Variants in GALNTL6 observed in about 807,000 individuals in gnomAD.
The protein encoded by GALNTL6 is polypeptide N-acetylgalactosaminyltransferase-like 6.
Under a neutral mutation model 73.7 loss-of-function variants are expected in GALNTL6, and 46 were observed. The observed-to-expected ratio is 0.62, with a 90% CI of 0.49 to 0.80. The LOEUF (loss-of-function observed/expected upper bound fraction) is 0.80. Ranked by LOEUF, GALNTL6 falls within the 30% of genes least tolerant of loss-of-function variation. GALNTL6 has a pLI of 0.00. For missense variants in GALNTL6, 604 were observed against 755.0 expected (o/e 0.80, Z 2.34); for synonymous variants, 259 against 263.7 (o/e 0.98, Z 0.17).
chr4:173,015,269 G>C (rs1424689459), intron 11 of GALNTL6, among the ~76,000 whole-genome samples: 2 of 152,192 alleles, frequency 1.3e-5, no homozygotes, highest in Non-Finnish European at 2.9e-5. Context: ...TGGTAGGGTA[G>C]GGTGCTGCTA....
chr4:172,909,228 T>C (rs984889017), intron 8 of GALNTL6, among the ~76,000 whole-genome samples: 5 of 151,470 alleles, frequency 3.3e-5, no homozygotes, highest in South Asian at 2.1e-4. Context: ...CAAATCATTT[T>C]AAGCATTAAA....
At chr4:172,979,735 C>T (rs1221405437) in intron 10 of GALNTL6, among the ~76,000 whole-genome samples, 1 of 152,208 alleles carries the variant, frequency 6.6e-6, no homozygotes, top group African/African-American at 2.4e-5. Context: ...CACTGGAAAG[C>T]TTGGCTGTTA....
chr4:172,656,801 A>T (rs1185994133), intron 5 of GALNTL6, among the ~76,000 whole-genome samples: 1 of 152,256 alleles, frequency 6.6e-6, no homozygotes, highest in Non-Finnish European at 1.5e-5. Context: ...TCGTCTTTTG[A>T]AAACTAGAGC....
chr4:172,304,889 T>C (rs1398375575), intron 3 of GALNTL6, among the ~76,000 whole-genome samples: 1 of 152,240 alleles, frequency 6.6e-6, no homozygotes, highest in African/African-American at 2.4e-5. Context: ...CAATGTGAGC[T>C]GAAATCTCAC....
In GALNTL6 at chr4:172,985,288, A is replaced by C. The variant is rs550324025; in HGVS notation, c.1372-23890A>C. On this transcript the variant is annotated intron_variant, in intron 10 of 12. Transcript: ENST00000506823. ...AGTTCTAGCAATAAATTCCTTTTAA[A>C]TTGTTTGGTGAGGCCTCTTTGTGGA... Among the ~76,000 whole-genome samples the C allele has an allele frequency of 8.5e-5, 13 of 152,072 alleles. No homozygotes were observed. The South Asian group carries it at 2.7e-3, about 32-fold the overall frequency.
chr4:172,372,676 G>T (rs1742861547), intron 5 of GALNTL6, among the ~76,000 whole-genome samples: 1 of 152,172 alleles, frequency 6.6e-6, no homozygotes, highest in Non-Finnish European at 1.5e-5. Context: ...CAAAGCTGAA[G>T]TTTGAACTAG....
chr4:172,209,120 A>G (rs942919443), intron 2 of GALNTL6, among the ~76,000 whole-genome samples: 2 of 152,064 alleles, frequency 1.3e-5, no homozygotes, highest in African/African-American at 4.8e-5. Context: ...ATATTTGCTC[A>G]AGATGTTAAA....
In GALNTL6 at chr4:173,041,202, TG is replaced by T. The variant is rs1412610235; in HGVS notation, c.*1103del. On this transcript the variant is annotated 3_prime_UTR_variant, in exon 13 of 13. Transcript: ENST00000506823. ...TTGCTTTTGTTTTTTATTTTTTTCT[TG>T]TTTTTTTTTTGTAGTGTTGAATTAA... 7 of 148,394 alleles carry T rather than the reference TG, an allele frequency of 4.7e-5. No individual in the cohort carries two copies. The South Asian group carries it at 6.3e-4, about 13-fold the overall frequency. 9.2% of individuals were successfully genotyped at this position (148,394 alleles called of 1,614,324 possible).
intron 5 of GALNTL6, among the ~76,000 whole-genome samples, chr4:172,349,825 A>G (rs1170616640): frequency 3.9e-5 from 2 of 51,190 alleles, no homozygotes; most frequent in African/African-American, 1.1e-4. Flanking sequence ...CTCAAATTAA[A>G]AAAAAATATA....
At chr4:171,861,834 T>G (rs1735837174) in intron 2 of GALNTL6, among the ~76,000 whole-genome samples, 2 of 152,204 alleles carry the variant, frequency 1.3e-5, no homozygotes, top group Admixed American at 1.3e-4. Flanking sequence ...TTTTTGACAG[T>G]ATGTTTTACA....
chr4:172,951,310 A>G (rs1232697393), intron 9 of GALNTL6, among the ~76,000 whole-genome samples: 7 of 152,192 alleles, frequency 4.6e-5, no homozygotes, highest in African/African-American at 1.4e-4. Context: ...TAACTTGCTC[A>G]ATTCCAAAGC....
At chr4:172,284,565 A>G (rs1012537544) in intron 3 of GALNTL6, among the ~76,000 whole-genome samples, 3 of 146,234 alleles carry the variant, frequency 2.1e-5, no homozygotes, top group Non-Finnish European at 4.5e-5. Context: ...TGCCTGGACT[A>G]TTGAGTCTTC....
chr4:173,038,318 A>C (rs75448331), intron 12 of GALNTL6, among the ~76,000 whole-genome samples: 1,915 of 152,282 alleles, frequency 0.013, 15 homozygotes, highest in Non-Finnish European at 0.02. Context: ...GAGGAGCCAC[A>C]GCAGCGGCTG....
At chr4:172,590,000 A>G (rs1737572609) in intron 5 of GALNTL6, among the ~76,000 whole-genome samples, 1 of 152,194 alleles carries the variant, frequency 6.6e-6, no homozygotes, top group South Asian at 2.1e-4. Flanking sequence ...ATAGCATTAG[A>G]GGAAGGGGAC....
At chr4:172,348,908 T>G (rs1296192405) in intron 5 of GALNTL6, among the ~76,000 whole-genome samples, 1 of 152,228 alleles carries the variant, frequency 6.6e-6, no homozygotes, top group Admixed American at 6.5e-5. Context: ...AAATTTGCAT[T>G]ACAATCTCTG....
chr4:172,532,312 G>A (rs192086116), intron 5 of GALNTL6, among the ~76,000 whole-genome samples: 1 of 152,276 alleles, frequency 6.6e-6, no homozygotes, highest in Non-Finnish European at 1.5e-5. Context: ...GATGATAGAA[G>A]CAGAGATTGA....
At position 172,192,684 on chromosome 4, in the gene GALNTL6, A is replaced by G. The variant is rs141454228; in HGVS notation, c.139-36972A>G. On this transcript the variant is annotated intron_variant, in intron 2 of 12. Coordinates refer to ENST00000506823, the MANE Select transcript of GALNTL6 (RefSeq NM_001034845.3). ...ATCTGTGCAACTCGCCCATCAGGAG[A>G]TCCATTTGTGAGCTCATGCCACCAG... Among the ~76,000 whole-genome samples the G allele has an allele frequency of 7.2e-3, 1,097 of 152,114 alleles. 17 individuals carry two copies. The highest frequency in any genetic ancestry group is 0.024 in the African/African-American group (1,008 of 41,444).
chr4:172,609,224 T>C (rs534896924), intron 5 of GALNTL6, among the ~76,000 whole-genome samples: 18 of 152,142 alleles, frequency 1.2e-4, no homozygotes, highest in Non-Finnish European at 1.9e-4. Context: ...CTTGTTCCAG[T>C]TCTCATAGGG....
At chr4:172,215,215 A>G (rs1736457659) in intron 2 of GALNTL6, among the ~76,000 whole-genome samples, 1 of 152,126 alleles carries the variant, frequency 6.6e-6, no homozygotes, top group Non-Finnish European at 1.5e-5. Flanking sequence ...AAAAGAATGT[A>G]TATTCTATTG....
Sources: gnomAD v4.1 joint callset for allele counts (sites outside exome capture counted in the v4.1 genomes callset) on GRCh38, gnomAD v4.1.1 for gene constraint, MANE v1.5 for transcripts, NCBI Gene and HGNC (gene_info 2026-07-23, HGNC 2026-07-21) for gene names.